The following L3MBTL2 variants were observed in gnomAD, a reference collection of about 807,000 sequenced individuals.
L3MBTL2 encodes the protein lethal(3)malignant brain tumor-like protein 2.
L3MBTL2 carries 49 observed loss-of-function variants against 86.4 expected under a neutral mutation model. The observed-to-expected ratio is 0.57, with a 90% CI of 0.45 to 0.72. L3MBTL2 has a LOEUF of 0.72. Ranked by LOEUF, L3MBTL2 falls within the 30% of genes least tolerant of loss-of-function variation. The pLI, the probability that L3MBTL2 is intolerant of heterozygous loss-of-function variation, is 0.00. For synonymous variants in L3MBTL2, 336 were observed against 350.6 expected, an observed-to-expected ratio of 0.96 and a Z score of 0.47; for missense variants, 755 against 923.7, an observed-to-expected ratio of 0.82 and a Z score of 2.37.
chr22:41,209,993 G>T (rs1371375634), intron 2 of L3MBTL2, 60 bp downstream of exon 2: 2 of 1,584,934 alleles, frequency 1.3e-6, no homozygotes, highest in Non-Finnish European at 1.7e-6. Flanking sequence ...AGGAAGAGGG[G>T]GGTGGATATA....
rs746220218 is a variant in L3MBTL2, at chr22:41,217,203, G to C, written c.600+1G>C. The C allele has an allele frequency of 6.2e-7, 1 of 1,611,628 alleles. No homozygotes were observed. Among genetic ancestry groups the C allele is most frequent in the East Asian group, 2.2e-5 (1 of 44,880 alleles). On this transcript the variant is annotated splice_donor_variant, in intron 5 of 16. Transcript: ENST00000216237. LOFTEE classifies it high-confidence loss of function. ...TGCTCCCGTCAGCTGTTTCAAGCACGTGAGTGCCCTGGAGCTGAGGGAGGG... is the reference window on the plus strand; with the variant it reads ...TGCTCCCGTCAGCTGTTTCAAGCACCTGAGTGCCCTGGAGCTGAGGGAGGG...
At position 41,227,881 on chromosome 22, in the gene L3MBTL2, A is replaced by C. The variant is rs1020796265; in HGVS notation, c.1888+12A>C. The C allele has an allele frequency of 1.9e-6, 3 of 1,609,722 alleles. No homozygotes were observed. In the African/African-American group the frequency reaches 4.0e-5, roughly 22 times the overall value. On this transcript the variant is annotated intron_variant, in intron 15 of 16. Transcript: ENST00000216237. The surrounding 1 kb of genome is among the most constrained non-coding windows in gnomAD (Gnocchi z 6.0). ...GTTTGGGAAGAAAAGTAAGTGCTGC[A>C]CCGGTGCAGCCAGGCTGGTGTGGGC...
At chr22:41,212,738 A>G (rs2030991108) in intron 2 of L3MBTL2, among the ~76,000 whole-genome samples, 1 of 151,646 alleles carries the variant, frequency 6.6e-6, no homozygotes, top group African/African-American at 2.4e-5. Context: ...TACTAAAGAT[A>G]TAAAAAATTA....
chr22:41,220,998 C>T, intron 7 of L3MBTL2, 130 bp downstream of exon 7: 1 of 1,130,412 alleles, frequency 8.8e-7, no homozygotes. Context: ...CCCCTGGCTT[C>T]CTGCCCTCCC....
Position 41,225,934 on chromosome 22 carries a change from G to T in L3MBTL2, c.1497G>T (p.Pro499=), listed in dbSNP as rs376552822. 1.9e-6 allele frequency: 3 copies of T among 1,613,626 alleles called. No homozygotes were observed. In the Admixed American group the frequency reaches 5.0e-5, roughly 27 times the overall value. Residue 499 remains proline, a synonymous_variant, in exon 12 of 17, where the codon CCG becomes CCT. Transcript: ENST00000216237. This position sits in a 1 kb window ranked among gnomAD's most constrained non-coding sequence, Gnocchi z 4.1. ...AGAAGAATGACATTGAGCTCACACC[G>T]CCAAAAGGTAAGACTAGAGAGGCCA... ...FCQKNDIELT[P]PKGYEAQTFN...
In L3MBTL2 at chr22:41,225,155, C is replaced by A; in HGVS notation, c.1356+84C>A. On this transcript the variant is annotated intron_variant, in intron 11 of 16. Transcript: ENST00000216237. The surrounding 1 kb of genome is among the most constrained non-coding windows in gnomAD (Gnocchi z 4.1). ...CCAGAGCTCTAACCCCACTCGCCAC[C>A]GTCAGGGGGTCTGTGTCCCAGCCTC... is the stretch of plus-strand genomic sequence containing the variant. 9.5e-7 allele frequency: 1 copy of A among 1,050,142 alleles called. No individual in the cohort carries two copies. 65.1% of individuals were successfully genotyped at this position (1,050,142 alleles called of 1,614,324 possible).
rs1447075580 is a variant in L3MBTL2, at chr22:41,224,347, G to A, written c.1174+96G>A. The A allele has an allele frequency of 2.0e-6, 2 of 980,804 alleles. No individual in the cohort carries two copies. The highest frequency in any genetic ancestry group is 1.5e-5 in the South Asian group (1 of 64,768). The allele number at this position is 980,804 out of a possible 1,614,324, so 60.8% of individuals were successfully genotyped here. ...ACTCGTCACAGCAGGTCAGCAGGTG[G>A]AGGTTGGCATGGCCCCCCTGCAGTG... On this transcript the variant is annotated intron_variant, in intron 9 of 16. Transcript: ENST00000216237. The surrounding 1 kb of genome is among the most constrained non-coding windows in gnomAD (Gnocchi z 4.9).
chr22:41,224,197 C>G lies in L3MBTL2; in HGVS notation c.1120C>G (p.Leu374Val), dbSNP rs776193479. Residue 374 changes from leucine (L) to valine (V), a missense_variant, in exon 9 of 17, where the codon CTG becomes GTG. Transcript: ENST00000216237. This position sits in a 1 kb window ranked among gnomAD's most constrained non-coding sequence, Gnocchi z 4.9. ...CTTCTGGTGCCACATGTGGAGCCCC[C>G]TGATCCACCCAGTGGGTTGGTCACG... ...DDFWCHMWSP[L>V]IHPVGWSRRV... 1 of 1,614,062 alleles carries G rather than the reference C, an allele frequency of 6.2e-7. No homozygotes were observed. Among genetic ancestry groups the G allele is most frequent in the South Asian group, 1.1e-5 (1 of 91,064 alleles).
In L3MBTL2 at chr22:41,209,778, A is replaced by C. The variant is rs765129473; in HGVS notation, c.107A>C (p.Tyr36Ser). ...GGTGGCTATGATAGTTTCCGGAGTT[A>C]TAACAGCAGTGTGGGCAGTGAGAGC... is the stretch of plus-strand genomic sequence containing the variant. ...LFGGYDSFRSYNSSVGSESSS... is the reference protein window; with the variant it reads ...LFGGYDSFRSSNSSVGSESSS... The change falls in exon 2 of 17, where the codon TAT becomes TCT. Residue 36 changes from tyrosine (Y) to serine (S), a missense_variant. By Grantham distance (144) the Tyr-to-Ser change is moderately radical (BLOSUM62 -2). Around this residue, in one of 3 missense-constraint regions of L3MBTL2, gnomAD observed 103 missense variants for 105.2 expected, o/e 0.98. Transcript: ENST00000216237. 6.2e-7 allele frequency: 1 copy of C among 1,614,078 alleles called. No individual in the cohort carries two copies. The highest frequency in any genetic ancestry group is 8.5e-7 in the Non-Finnish European group (1 of 1,180,048).
Position 41,213,873 on chromosome 22 carries a change from G to T in L3MBTL2, c.263-20G>T. On this transcript the variant is annotated intron_variant, in intron 2 of 16. Coordinates refer to ENST00000216237, the MANE Select transcript of L3MBTL2 (RefSeq NM_031488.5). The stretch of plus-strand genomic sequence containing the variant: ...GAGGTGGTCATATCGGGTGAGTCAT[G>T]TGCTAAGTTCTCTTCCCAGCTGTCT... 1 of 1,613,832 alleles carries T rather than the reference G, an allele frequency of 6.2e-7. No homozygotes were observed. The highest frequency in any genetic ancestry group is 8.5e-7 in the Non-Finnish European group (1 of 1,179,790).
In L3MBTL2 at chr22:41,226,043, G is replaced by A. The variant is rs151263490; in HGVS notation, c.1504+102G>A. The A allele has an allele frequency of 4.9e-4, 626 of 1,282,850 alleles. 1 individual carries two copies. In the African/African-American group the frequency reaches 8.0e-3, roughly 16 times the overall value. 79.5% of individuals were successfully genotyped at this position (1,282,850 alleles called of 1,614,324 possible). A position where few individuals can be genotyped will look rare whatever the true frequency, so the allele number is the denominator to read the frequency against. On this transcript the variant is annotated intron_variant, in intron 12 of 16. Transcript: ENST00000216237. The stretch of plus-strand genomic sequence containing the variant: ...TGTAATCCTAGCACTTTGGGAGGCC[G>A]AGGCAGGTGGATGACCTGAGGTCAG...
chr22:41,224,901 G>A lies in L3MBTL2; in HGVS notation c.1252-66G>A. 6.4e-7 allele frequency: 1 copy of A among 1,563,944 alleles called. No individual in the cohort carries two copies. Among genetic ancestry groups the A allele is most frequent in the Non-Finnish European group, 8.8e-7 (1 of 1,135,980 alleles). Reference sequence around the variant, plus strand: ...CTGGGACCATCCCTTTCCCTCCTGAGGCCTGCTTCCCTCACCCTTCCTCCT... The same window carrying A: ...CTGGGACCATCCCTTTCCCTCCTGAAGCCTGCTTCCCTCACCCTTCCTCCT... On this transcript the variant is annotated intron_variant, in intron 10 of 16. Transcript: ENST00000216237. The surrounding 1 kb of genome is among the most constrained non-coding windows in gnomAD (Gnocchi z 4.9).
chr22:41,220,695 C>T (rs761681952), intron 6 of L3MBTL2, 39 bp from the exon 7 acceptor site: 12 of 1,575,418 alleles, frequency 7.6e-6, no homozygotes, highest in Non-Finnish European at 1.0e-5. Context: ...CCTTCCCCAG[C>T]TCACCCTCCC....
rs775046282 is a variant in L3MBTL2 at position 41,227,071 on chromosome 22, C to T, written c.1588-18C>T. On this transcript the variant is annotated intron_variant, in intron 13 of 16. Transcript: ENST00000216237. This position sits in a 1 kb window ranked among gnomAD's most constrained non-coding sequence, Gnocchi z 6.0. ...GGGAGCTGACTGGCTTGGCCACTGC[C>T]TCCTTTTTCTGCCCCAGGATTGCCC... 1 of 1,594,468 alleles carries T rather than the reference C, an allele frequency of 6.3e-7. No homozygotes were observed. The highest frequency in any genetic ancestry group is 1.3e-5 in the African/African-American group (1 of 74,506).
Position 41,225,726 on chromosome 22 carries a change from G to A in L3MBTL2, c.1357-68G>A, listed in dbSNP as rs1187900118. The stretch of plus-strand genomic sequence containing the variant: ...ATTTGCCTCGTGTCCCTATTGGGGT[G>A]CGGTACCAACCCAGGATGGGGTGCA... On this transcript the variant is annotated intron_variant, in intron 11 of 16. Coordinates refer to ENST00000216237, the MANE Select transcript of L3MBTL2 (RefSeq NM_031488.5). The surrounding 1 kb of genome is among the most constrained non-coding windows in gnomAD (Gnocchi z 4.1). 12 of 1,534,072 alleles carry A rather than the reference G, an allele frequency of 7.8e-6. No homozygotes were observed. The African/African-American group carries it at 1.2e-4, about 16-fold the overall frequency.
At chr22:41,210,687 C>G (rs1485575205) in intron 2 of L3MBTL2, among the ~76,000 whole-genome samples, 1 of 152,130 alleles carries the variant, frequency 6.6e-6, no homozygotes, top group Non-Finnish European at 1.5e-5. Flanking sequence ...TGGTCTCAAA[C>G]TCCTGAACTC....
chr22:41,216,542 G>T (rs2031376523), intron 4 of L3MBTL2, among the ~76,000 whole-genome samples: 2 of 152,094 alleles, frequency 1.3e-5, no homozygotes, highest in South Asian at 4.1e-4. Flanking sequence ...TATCCTTTTG[G>T]TTTCTGTTTC....
Position 41,227,263 on chromosome 22 carries a change from A to T in L3MBTL2, c.1762A>T (p.Ile588Phe). ...GTGGGTGGACTGCGAGTCCCCAGAC[A>T]TCTACCCCGTCGGCTGGTGTGAGCT... ...DQWVDCESPD[I>F]YPVGWCELTG... is the part of the protein sequence containing the mutation. The change falls in exon 14 of 17, where the codon ATC (isoleucine) becomes TTC (phenylalanine). Residue 588 changes from isoleucine to phenylalanine, a missense_variant. Physicochemically the swap from Ile to Phe is conservative, Grantham distance 21 (BLOSUM62 0). This residue lies in a region of L3MBTL2 where 634 missense variants were observed against 748.9 expected (regional missense o/e 0.85). Coordinates refer to ENST00000216237, the MANE Select transcript of L3MBTL2 (RefSeq NM_031488.5). The surrounding 1 kb of genome is among the most constrained non-coding windows in gnomAD (Gnocchi z 6.0). The T allele has an allele frequency of 6.2e-7, 1 of 1,612,854 alleles. No individual in the cohort carries two copies. Among genetic ancestry groups the T allele is most frequent in the Non-Finnish European group, 8.5e-7 (1 of 1,179,816 alleles).
In L3MBTL2 at chr22:41,209,784, G is replaced by A. The variant is rs2030562127; in HGVS notation, c.113G>A (p.Ser38Asn). 1 of 1,614,190 alleles carries A rather than the reference G, an allele frequency of 6.2e-7. No individual in the cohort carries two copies. Among genetic ancestry groups the A allele is most frequent in the Non-Finnish European group, 8.5e-7 (1 of 1,180,042 alleles). The change falls in exon 2 of 17, where the codon AGC (serine) becomes AAC (asparagine). Residue 38 changes from serine to asparagine, a missense_variant. Physicochemically the swap from Ser to Asn is conservative, Grantham distance 46. Around this residue, in one of 3 missense-constraint regions of L3MBTL2, gnomAD observed 103 missense variants for 105.2 expected, o/e 0.98. Transcript: ENST00000216237. ...GGYDSFRSYN[S>N]SVGSESSSYL... ...TATGATAGTTTCCGGAGTTATAACA[G>A]CAGTGTGGGCAGTGAGAGCAGCTCC... is the stretch of plus-strand genomic sequence containing the variant.
Sources: gnomAD v4.1 joint callset for allele counts (sites outside exome capture counted in the v4.1 genomes callset) on GRCh38, gnomAD v4.1.1 for gene constraint, gnomAD v4.1.1 regional missense constraint, Gnocchi (gnomAD v3.1) non-coding constraint, MANE v1.5 for transcripts, NCBI Gene and HGNC (gene_info 2026-07-23, HGNC 2026-07-21) for gene names.